ORC5: variants seen among roughly 807,000 people sequenced by gnomAD.
The protein encoded by ORC5 is protein phosphatase 1, regulatory subunit 117.
ORC5 carries 39 observed loss-of-function variants against 58.8 expected under a neutral mutation model. That is an observed-to-expected ratio of 0.66 (90% confidence interval 0.51 to 0.87). The LOEUF is 0.87. Ranked by LOEUF, ORC5 falls within the 40% of genes least tolerant of loss-of-function variation. The pLI is 0.00. For synonymous variants in ORC5, 218 were observed against 177.6 expected, an observed-to-expected ratio of 1.23 and a Z score of -1.81; for missense variants, 493 against 506.3, an observed-to-expected ratio of 0.97 and a Z score of 0.25.
At chr7:104,158,276 T>C (rs967880894) in intron 12 of ORC5, among the ~76,000 whole-genome samples, 21 of 152,088 alleles carry the variant, frequency 1.4e-4, no homozygotes, top group African/African-American at 4.6e-4. Context: ...TAGCCATATG[T>C]AGAAAGCTGA....
chr7:104,195,502 A>C (rs1799780714), intron 4 of ORC5, among the ~76,000 whole-genome samples: 1 of 152,182 alleles, frequency 6.6e-6, no homozygotes, highest in South Asian at 2.1e-4. Context: ...CCTAGGCATA[A>C]GTGATCCTCC....
At chr7:104,167,595 A>T (rs1799128996) in intron 9 of ORC5, among the ~76,000 whole-genome samples, 1 of 152,212 alleles carries the variant, frequency 6.6e-6, no homozygotes, top group Admixed American at 6.5e-5. Context: ...ATAAATATTA[A>T]AACAGTAGGG....
chr7:104,167,174 C>G (rs17159721), intron 9 of ORC5, among the ~76,000 whole-genome samples: 4,322 of 152,230 alleles, frequency 0.028, 187 homozygotes, highest in African/African-American at 0.099. Context: ...TGGTGTTCCC[C>G]TACCACACCA....
rs1798475914 is a variant in ORC5 at position 104,129,140 on chromosome 7, G to GA, written c.1263-2248dup. 1.3e-5 allele frequency among the ~76,000 whole-genome samples: 2 copies of GA among 152,098 alleles called. No homozygotes were observed. The highest frequency in any genetic ancestry group is 2.9e-5 in the Non-Finnish European group (2 of 68,010). On this transcript the variant is annotated intron_variant, in intron 13 of 13. Transcript: ENST00000297431. This position sits in a 1 kb window ranked among gnomAD's most constrained non-coding sequence, Gnocchi z 4.9. ...ATGTTTGTCTAATGGACTAGTACTAGAAGAGCACAAATACATGAAAATATT... is the reference window on the plus strand; with the variant it reads ...ATGTTTGTCTAATGGACTAGTACTAGAAAGAGCACAAATACATGAAAATATT...
At chr7:104,140,025 C>G (rs556074177) in intron 12 of ORC5, among the ~76,000 whole-genome samples, 17 of 152,012 alleles carry the variant, frequency 1.1e-4, no homozygotes, top group Non-Finnish European at 2.1e-4. Flanking sequence ...TATAATAACC[C>G]TTTTATTCTC....
rs78462834 is a variant in ORC5, at chr7:104,142,628, C to A, written c.1150-5735G>T. Among the ~76,000 whole-genome samples, 25 of 152,110 alleles carry A rather than the reference C, an allele frequency of 1.6e-4. No individual in the cohort carries two copies. In the East Asian group the frequency reaches 4.8e-3, roughly 29 times the overall value. On this transcript the variant is annotated intron_variant, in intron 12 of 13. Coordinates refer to ENST00000297431, the MANE Select transcript of ORC5 (RefSeq NM_002553.4). ...AAAAGAGATACATATAAAATGGAAG[C>A]ACATGTGAAAGTTAAAGGTCAAAGA...
Position 104,168,427 on chromosome 7 carries a change from G to C in ORC5, c.877+46C>G, listed in dbSNP as rs764162644. 5 of 1,594,920 alleles carry C rather than the reference G, an allele frequency of 3.1e-6. No homozygotes were observed. The Admixed American group carries it at 7.0e-5, about 22-fold the overall frequency. ...ATTAACTTTAGTATCTTGATAATTA[G>C]CTGAAGAAGTATCTCCGGTAACTGT... On this transcript the variant is annotated intron_variant, in intron 9 of 13. Coordinates refer to ENST00000297431, the MANE Select transcript of ORC5 (RefSeq NM_002553.4).
chr7:104,141,254 TA>T (rs1798668442), intron 12 of ORC5, among the ~76,000 whole-genome samples: 1 of 152,132 alleles, frequency 6.6e-6, no homozygotes, highest in South Asian at 2.1e-4. Context: ...CTTTGCCCAT[TA>T]ACTTAGAAAT....
chr7:104,203,152 C>A (rs1799986699), intron 2 of ORC5, among the ~76,000 whole-genome samples: 1 of 152,122 alleles, frequency 6.6e-6, no homozygotes, highest in Non-Finnish European at 1.5e-5. Flanking sequence ...CAACATGTGC[C>A]ATGGCTTGAA....
intron 5 of ORC5, among the ~76,000 whole-genome samples, chr7:104,194,313 T>C (rs945457111): frequency 6.6e-6 from 1 of 152,088 alleles, no homozygotes; most frequent in African/African-American, 2.4e-5. Context: ...TCTTAAGGTA[T>C]GTTTACAGCT....
intron 13 of ORC5, among the ~76,000 whole-genome samples, chr7:104,130,898 G>A (rs935508057): frequency 2.0e-5 from 3 of 152,102 alleles, no homozygotes; most frequent in Admixed American, 6.5e-5. Context: ...CTTCCTGCCC[G>A]TCCTAGCTTA....
Position 104,165,243 on chromosome 7 carries a change from GT to G in ORC5, c.1029del (p.Lys343AsnfsTer17). On this transcript the variant is annotated frameshift_variant, in exon 11 of 14. Transcript: ENST00000297431. LOFTEE classifies it high-confidence loss of function. The stretch of plus-strand genomic sequence containing the variant: ...AATTAAAATGTAAATACCTTTTCGT[GT>G]TTTTTTAGAAAGTTGGTTTTCTTGA... Reference protein sequence around the residue: ...GKIKKTNFLKKHEKTSNHLLG... With the variant: ...GKIKKTNFLKXHEKTSNHLLG... The G allele has an allele frequency of 1.3e-5, 19 of 1,499,488 alleles. No homozygotes were observed. The highest frequency in any genetic ancestry group is 2.3e-5 in the East Asian group (1 of 43,876). 92.9% of individuals were successfully genotyped at this position (1,499,488 alleles called of 1,614,324 possible).
chr7:104,204,590 CTT>C (rs1466215591), intron 1 of ORC5, among the ~76,000 whole-genome samples: 1 of 84,484 alleles, frequency 1.2e-5, no homozygotes, highest in African/African-American at 5.5e-5. Flanking sequence ...TATATTACTC[CTT>C]CTTAAAGACT....
chr7:104,198,452 A>T, intron 3 of ORC5, among the ~76,000 whole-genome samples: 1 of 152,220 alleles, frequency 6.6e-6, no homozygotes, highest in East Asian at 1.9e-4. Context: ...GAAGGGTGGC[A>T]TTTTGCCCCT....
At chr7:104,169,489 C>G (rs1475686886) in intron 8 of ORC5, among the ~76,000 whole-genome samples, 2 of 151,600 alleles carry the variant, frequency 1.3e-5, no homozygotes, top group African/African-American at 4.9e-5. Context: ...AGCTGCATGA[C>G]TTCGAAAAAA....
chr7:104,144,933 A>G (rs1798732307), intron 12 of ORC5, among the ~76,000 whole-genome samples: 1 of 152,190 alleles, frequency 6.6e-6, no homozygotes, highest in African/African-American at 2.4e-5. Flanking sequence ...ACTCAGATTC[A>G]TCGTGGTGTC....
intron 12 of ORC5, among the ~76,000 whole-genome samples, chr7:104,137,857 G>A (rs1250522152): frequency 2.0e-5 from 3 of 152,142 alleles, no homozygotes; most frequent in East Asian, 1.9e-4. Flanking sequence ...ACATTTGATC[G>A]GATTTTTCGG....
intron 12 of ORC5, among the ~76,000 whole-genome samples, chr7:104,145,621 C>A (rs1358106246): frequency 6.6e-6 from 1 of 152,028 alleles, no homozygotes; most frequent in African/African-American, 2.4e-5. Context: ...CCCACCCAGA[C>A]AGGATGCATA....
chr7:104,204,702 C>T (rs952808432), intron 1 of ORC5, among the ~76,000 whole-genome samples: 1 of 152,176 alleles, frequency 6.6e-6, no homozygotes, highest in Admixed American at 6.5e-5. Flanking sequence ...GGTCCTCATT[C>T]TTAGGAAAAC....
Sources: allele counts gnomAD v4.1 joint callset (sites outside exome capture counted in the v4.1 genomes callset), GRCh38; gene constraint gnomAD v4.1.1; non-coding constraint Gnocchi (gnomAD v3.1); transcripts MANE v1.5; gene names NCBI Gene and HGNC (gene_info 2026-07-23, HGNC 2026-07-21).